The following GRM4 variants were observed in gnomAD, a reference collection of about 807,000 sequenced individuals.
GRM4 encodes metabotropic glutamate receptor 4.
In GRM4, 28 loss-of-function variants were observed where a neutral mutation model predicts 81.7. That is an observed-to-expected ratio of 0.34 (90% confidence interval 0.25 to 0.47). GRM4 has a LOEUF of 0.47. Ranked by LOEUF, GRM4 falls within the 20% of genes least tolerant of loss-of-function variation. The pLI, the probability that GRM4 is intolerant of heterozygous loss-of-function variation, is 1.00. For missense variants in GRM4, 948 were observed against 1,290.0 expected (o/e 0.73, Z 4.06); for synonymous variants, 488 against 528.8 (o/e 0.92, Z 1.06).
chr6:34,106,288 G>A (rs2451343), intron 2 of GRM4, among the ~76,000 whole-genome samples: 2,996 of 151,994 alleles, frequency 0.02, 51 homozygotes, highest in Middle Eastern at 0.065. Flanking sequence ...GGTGGCCGGC[G>A]CCTGTAATCC....
chr6:34,035,222 G>T lies in GRM4; in HGVS notation c.2442+446C>A, dbSNP rs1235176470. Among the ~76,000 whole-genome samples, 2 of 151,700 alleles carry T rather than the reference G, an allele frequency of 1.3e-5. No homozygotes were observed. The highest frequency in any genetic ancestry group is 2.4e-5 in the African/African-American group (1 of 41,238). The stretch of plus-strand genomic sequence containing the variant: ...GGTACAGCGCTCCAGGCTTATGGAG[G>T]GGGGAAGGGGTGAGAGAATAGGAGG... On this transcript the variant is annotated intron_variant, in intron 9 of 10. Transcript: ENST00000538487. The surrounding 1 kb of genome is among the most constrained non-coding windows in gnomAD (Gnocchi z 6.6).
chr6:34,094,826 C>T (rs1198275372), intron 2 of GRM4, among the ~76,000 whole-genome samples: 3 of 152,184 alleles, frequency 2.0e-5, no homozygotes, highest in Non-Finnish European at 4.4e-5. Flanking sequence ...GCCACACAGC[C>T]GGCGGCAAAT....
chr6:34,135,193 C>T (rs1770410708), intron 1 of GRM4, among the ~76,000 whole-genome samples: 2 of 152,202 alleles, frequency 1.3e-5, no homozygotes, highest in Non-Finnish European at 2.9e-5. Flanking sequence ...AGGGTCATCC[C>T]TCCCCCGTCA....
intron 10 of GRM4, among the ~76,000 whole-genome samples, chr6:34,023,452 G>C (rs1182729620): frequency 6.6e-6 from 1 of 152,150 alleles, no homozygotes; most frequent in East Asian, 1.9e-4. Flanking sequence ...ATGAAAACCA[G>C]AGTGGGGCCG....
Position 34,022,621 on chromosome 6 carries a change from C to T in GRM4, c.*200G>A. The T allele has an allele frequency of 1.7e-6, 1 of 602,120 alleles. No homozygotes were observed. Among genetic ancestry groups the T allele is most frequent in the Non-Finnish European group, 3.0e-6 (1 of 335,644 alleles). 37.3% of individuals were successfully genotyped at this position (602,120 alleles called of 1,614,324 possible). A position where few individuals can be genotyped will look rare whatever the true frequency, so the allele number is the denominator to read the frequency against. On this transcript the variant is annotated 3_prime_UTR_variant, in exon 11 of 11. Transcript: ENST00000538487. This position sits in a 1 kb window ranked among gnomAD's most constrained non-coding sequence, Gnocchi z 5.6. The stretch of plus-strand genomic sequence containing the variant: ...TGTGGTAGCCTGGCACCGCCCCGGC[C>T]CCTCGTCCTCCTGTTGCTCACCCGG...
chr6:34,086,039 G>A (rs1375430586), intron 3 of GRM4, among the ~76,000 whole-genome samples: 3 of 152,262 alleles, frequency 2.0e-5, no homozygotes, highest in Admixed American at 6.5e-5. Context: ...GCGAGGGAGA[G>A]GCACGGAAGG....
chr6:34,052,125 CTGGAGGTGCCA>C (rs1765642565), intron 6 of GRM4, among the ~76,000 whole-genome samples: 1 of 152,204 alleles, frequency 6.6e-6, no homozygotes, highest in African/African-American at 2.4e-5. Context: ...ACTTGGCAGG[CTGGAGGTGCCA>C]AGGAATTAAT....
chr6:34,059,284 C>T lies in GRM4; in HGVS notation c.873-156G>A, dbSNP rs10214847. 388 of 685,634 alleles carry T rather than the reference C, an allele frequency of 5.7e-4. 1 individual carries two copies. The highest frequency in any genetic ancestry group is 4.5e-3 in the African/African-American group (255 of 56,422). The allele number at this position is 685,634 out of a possible 1,614,324, so 42.5% of individuals were successfully genotyped here. On this transcript the variant is annotated intron_variant, in intron 4 of 10. Transcript: ENST00000538487. This position sits in a 1 kb window ranked among gnomAD's most constrained non-coding sequence, Gnocchi z 5.7. ...ATGCTTTCACCCCAAGCCATGGATTCCCCCTACCCGCTGCCCTCACCTGCT... is the reference window on the plus strand; with the variant it reads ...ATGCTTTCACCCCAAGCCATGGATTTCCCCTACCCGCTGCCCTCACCTGCT...
rs967994429 is a variant in GRM4, at chr6:34,048,895, G to A, written c.1168+7649C>T. Reference sequence around the variant, plus strand: ...AGTCGCGCTTCCTGTACAGCCTGCAGAACTGTGAGCCAATTAAACCTCCTG... The same window carrying A: ...AGTCGCGCTTCCTGTACAGCCTGCAAAACTGTGAGCCAATTAAACCTCCTG... On this transcript the variant is annotated intron_variant, in intron 6 of 10. Transcript: ENST00000538487. The surrounding 1 kb of genome is among the most constrained non-coding windows in gnomAD (Gnocchi z 4.0). Among the ~76,000 whole-genome samples, 10 of 152,096 alleles carry A rather than the reference G, an allele frequency of 6.6e-5. No individual in the cohort carries two copies. The highest frequency in any genetic ancestry group is 1.2e-4 in the Non-Finnish European group (8 of 68,016).
At chr6:34,110,530 G>A (rs1413780237) in intron 2 of GRM4, 14 of 496,604 alleles carry the variant, frequency 2.8e-5, no homozygotes, top group Non-Finnish European at 4.7e-5. Flanking sequence ...GGGCTTTTCC[G>A]CAGAATATCC....
chr6:34,082,692 C>T (rs947364452), intron 3 of GRM4, among the ~76,000 whole-genome samples: 45 of 152,244 alleles, frequency 3.0e-4, no homozygotes, highest in African/African-American at 9.9e-4. Flanking sequence ...CACCAGTGCT[C>T]GGTGCAGTGC....
chr6:34,029,106 G>C (rs988573800), intron 9 of GRM4, among the ~76,000 whole-genome samples: 1 of 152,174 alleles, frequency 6.6e-6, no homozygotes, highest in African/African-American at 2.4e-5. Context: ...CCCCGTCTGG[G>C]ATTCCCCTCC....
chr6:34,150,373 C>A (rs1771020795), upstream of GRM4, among the ~76,000 whole-genome samples: 2 of 152,134 alleles, frequency 1.3e-5, no homozygotes, highest in African/African-American at 4.8e-5. Flanking sequence ...TGCAGGAGCA[C>A]CCCGCAAGAG....
rs1279798412 is a variant in GRM4 at position 34,136,855 on chromosome 6, T to C, written c.-363-2996A>G. Among the ~76,000 whole-genome samples, 1 of 151,220 alleles carries C rather than the reference T, an allele frequency of 6.6e-6. No individual in the cohort carries two copies. Among genetic ancestry groups the C allele is most frequent in the Non-Finnish European group, 1.5e-5 (1 of 67,900 alleles). On this transcript the variant is annotated intron_variant, in intron 1 of 10. Transcript: ENST00000538487. This position sits in a 1 kb window ranked among gnomAD's most constrained non-coding sequence, Gnocchi z 4.1. The stretch of plus-strand genomic sequence containing the variant: ...CTCTTTTAGCTTCCCCTCCCTCCTT[T>C]GATCATGTAACAGGAACAAGGGAAA...
At position 34,111,742 on chromosome 6, in the gene GRM4, G is replaced by A. The variant is rs564670673; in HGVS notation, c.520-19643C>T. Among the ~76,000 whole-genome samples, 221 of 152,320 alleles carry A rather than the reference G, an allele frequency of 1.5e-3. No homozygotes were observed. Among genetic ancestry groups the A allele is most frequent in the African/African-American group, 5.0e-3 (209 of 41,566 alleles). ...GCAGTGGGGATGGAGGAGGATTAAG[G>A]TCGCTGGGCACTGGCACCAGCTTGG... On this transcript the variant is annotated intron_variant, in intron 2 of 10. Transcript: ENST00000538487. The surrounding 1 kb of genome is among the most constrained non-coding windows in gnomAD (Gnocchi z 5.1).
intron 6 of GRM4, among the ~76,000 whole-genome samples, chr6:34,053,290 T>C (rs1314307642): frequency 2.6e-5 from 4 of 152,164 alleles, no homozygotes; most frequent in African/African-American, 9.7e-5. Flanking sequence ...CAGCTCTCTG[T>C]GGGTGTCACT....
Position 34,035,926 on chromosome 6 carries a change from G to A in GRM4, c.2184C>T (p.Asp728=). 6.2e-7 allele frequency: 1 copy of A among 1,610,238 alleles called. No homozygotes were observed. Among genetic ancestry groups the A allele is most frequent in the Non-Finnish European group, 8.5e-7 (1 of 1,176,846 alleles). The change falls in exon 9 of 11, where the codon GAC becomes GAT. Residue 728 remains aspartate (D), a synonymous_variant. Coordinates refer to ENST00000538487, the MANE Select transcript of GRM4 (RefSeq NM_000841.4). This position sits in a 1 kb window ranked among gnomAD's most constrained non-coding sequence, Gnocchi z 6.6. Reference sequence around the variant, plus strand: ...GGTCGAGTGTCCGCTGGTCCTGGAAGTCCACCACCGAGTGGGAGGGGTCCA... The same window carrying A: ...GGTCGAGTGTCCGCTGGTCCTGGAAATCCACCACCGAGTGGGAGGGGTCCA... ...FVVDPSHSVV[D]FQDQRTLDPR... is the part of the protein sequence containing the mutation.
At chr6:34,039,684 G>A (rs935871441) in intron 8 of GRM4, among the ~76,000 whole-genome samples, 7 of 152,124 alleles carry the variant, frequency 4.6e-5, no homozygotes, top group African/African-American at 1.4e-4. Flanking sequence ...ATGGGGCTGG[G>A]GAACTGGCAA....
Position 34,035,706 on chromosome 6 carries a change from T to C in GRM4, c.2404A>G (p.Ile802Val). 1.9e-6 allele frequency: 3 copies of C among 1,593,710 alleles called. No homozygotes were observed. Among genetic ancestry groups the C allele is most frequent in the Non-Finnish European group, 2.6e-6 (3 of 1,164,242 alleles). The change falls in exon 9 of 11, where the codon ATC becomes GTC. Residue 802 changes from isoleucine to valine, a missense_variant. Ile to Val is a conservative substitution (Grantham distance 29). Coordinates refer to ENST00000538487, the MANE Select transcript of GRM4 (RefSeq NM_000841.4). This position sits in a 1 kb window ranked among gnomAD's most constrained non-coding sequence, Gnocchi z 6.6. ...TGCGAGGTGCCAAAGAAGATGGGGA[T>C]GAAGGCCAGCCAGACGATGCAAGTG... ...YTTCIVWLAF[I>V]PIFFGTSQSA...
Sources: allele counts gnomAD v4.1 joint callset (sites outside exome capture counted in the v4.1 genomes callset), GRCh38; gene constraint gnomAD v4.1.1; non-coding constraint Gnocchi (gnomAD v3.1); transcripts MANE v1.5; gene names NCBI Gene and HGNC (gene_info 2026-07-23, HGNC 2026-07-21).